ZC3H18: variants seen among roughly 807,000 people sequenced by gnomAD.
The protein encoded by ZC3H18 is zinc finger CCCH domain-containing protein 18.
ZC3H18 carries 8 observed loss-of-function variants against 106.1 expected under a neutral mutation model. The ratio of observed to expected loss-of-function variants is 0.08; its 90% confidence interval spans 0.04 to 0.14. The LOEUF is 0.14. Among genes scored for constraint, ZC3H18 ranks in the 10% least tolerant of loss-of-function variants. The pLI is 1.00. For missense variants in ZC3H18, 1,318 were observed against 1,278.4 expected (o/e 1.03, Z -0.47); for synonymous variants, 635 against 522.1 (o/e 1.22, Z -2.95).
Position 88,586,605 on chromosome 16 carries a change from T to C in ZC3H18, c.609T>C (p.Asp203=). The C allele has an allele frequency of 6.2e-7, 1 of 1,614,092 alleles. No homozygotes were observed. Among genetic ancestry groups the C allele is most frequent in the Non-Finnish European group, 8.5e-7 (1 of 1,179,918 alleles). The change falls in exon 3 of 18, where the codon GAT becomes GAC. Residue 203 remains aspartate (D), a synonymous_variant. Coordinates refer to ENST00000301011, the MANE Select transcript of ZC3H18 (RefSeq NM_144604.4). ...GEIDDGEIDD[D]DLEEGEVKDP... is the part of the protein sequence containing the mutation. ...GACGGTGTTCTCTGTTTCAGGATGATGACCTGGAAGAAGGTGAAGTGAAGG... is the reference window on the plus strand; with the variant it reads ...GACGGTGTTCTCTGTTTCAGGATGACGACCTGGAAGAAGGTGAAGTGAAGG...
intron 2 of ZC3H18, among the ~76,000 whole-genome samples, chr16:88,585,951 G>A (rs924435282): frequency 6.6e-6 from 1 of 152,118 alleles, no homozygotes; most frequent in Non-Finnish European, 1.5e-5. Context: ...GGTGGTGTAA[G>A]GAGGGGTCTC....
At chr16:88,586,907 G>A (rs972855630) in intron 3 of ZC3H18, among the ~76,000 whole-genome samples, 1 of 152,098 alleles carries the variant, frequency 6.6e-6, no homozygotes, top group Non-Finnish European at 1.5e-5. Context: ...GCCTTGGTGG[G>A]AGCAGCCTGG....
intron 16 of ZC3H18, 79 bp from the exon 17 acceptor site, chr16:88,630,406 C>A (rs1193250042): frequency 8.9e-6 from 10 of 1,118,822 alleles, no homozygotes; most frequent in South Asian, 1.3e-5. Context: ...AGAAGTGAGT[C>A]CCTGGCATCG....
At chr16:88,586,165 A>G (rs1391460969) in intron 2 of ZC3H18, among the ~76,000 whole-genome samples, 1 of 152,194 alleles carries the variant, frequency 6.6e-6, no homozygotes, top group African/African-American at 2.4e-5. Flanking sequence ...TGCTGGCATC[A>G]CTGCCCTGAG....
Position 88,599,835 on chromosome 16 carries a change from T to C in ZC3H18, c.975T>C (p.Phe325=), listed in dbSNP as rs759052240. The C allele has an allele frequency of 6.2e-7, 1 of 1,614,050 alleles. No homozygotes were observed. The highest frequency in any genetic ancestry group is 8.5e-7 in the Non-Finnish European group (1 of 1,180,002). ...ATIRKEQEPD[F]EEKRFTVTIG... ...TTCGAAAAGAACAGGAGCCTGATTTTGAAGAGAAAAGGTTTACGGTGACCA... is the reference window on the plus strand; with the variant it reads ...TTCGAAAAGAACAGGAGCCTGATTTCGAAGAGAAAAGGTTTACGGTGACCA... Residue 325 remains phenylalanine (F), a synonymous_variant, in exon 6 of 18, where the codon TTT becomes TTC. Coordinates refer to ENST00000301011, the MANE Select transcript of ZC3H18 (RefSeq NM_144604.4).
At chr16:88,623,527 C>T (rs558658607) in intron 10 of ZC3H18, 183 bp downstream of exon 10, 16 of 788,660 alleles carry the variant, frequency 2.0e-5, no homozygotes, top group Admixed American at 3.0e-5. Flanking sequence ...CTTGCGGGCC[C>T]TCGTCCTTGT....
intron 8 of ZC3H18, among the ~76,000 whole-genome samples, chr16:88,621,804 A>G (rs1905980735): frequency 6.6e-6 from 1 of 152,182 alleles, no homozygotes; most frequent in African/African-American, 2.4e-5. Context: ...TTTCATAAAT[A>G]TTTATTATGA....
intron 3 of ZC3H18, among the ~76,000 whole-genome samples, chr16:88,587,319 G>A (rs573182400): frequency 1.3e-5 from 2 of 152,314 alleles, no homozygotes; most frequent in South Asian, 4.1e-4. Flanking sequence ...TTAATGTCTT[G>A]GGGGATTCGG....
chr16:88,578,968 G>T (rs1048227148), intron 2 of ZC3H18, among the ~76,000 whole-genome samples: 1 of 152,322 alleles, frequency 6.6e-6, no homozygotes, highest in East Asian at 1.9e-4. Context: ...GATCACAGGC[G>T]TGAGGCACCA....
At chr16:88,621,412 G>T (rs367610461) in intron 8 of ZC3H18, among the ~76,000 whole-genome samples, 73 of 152,244 alleles carry the variant, frequency 4.8e-4, no homozygotes, top group African/African-American at 1.6e-3. Flanking sequence ...TTTTAGTAGA[G>T]ATGGGGTTTC....
intron 6 of ZC3H18, among the ~76,000 whole-genome samples, chr16:88,604,061 C>T (rs1254304554): frequency 6.6e-6 from 1 of 152,142 alleles, no homozygotes. Flanking sequence ...TAAAACCTCA[C>T]ATATTGGCTG....
chr16:88,589,636 A>G (rs12597572), intron 3 of ZC3H18, among the ~76,000 whole-genome samples: 26,447 of 151,806 alleles, frequency 0.17, 2,295 homozygotes, highest in East Asian at 0.24. Flanking sequence ...GTGCTGAGTG[A>G]CAGAAGGGAG....
At chr16:88,609,474 A>AT (rs1316512737) in intron 7 of ZC3H18, among the ~76,000 whole-genome samples, 3 of 150,400 alleles carry the variant, frequency 2.0e-5, no homozygotes, top group South Asian at 2.1e-4. Flanking sequence ...ATTTTTTTGT[A>AT]TTTTTTTTGT....
chr16:88,617,698 C>T (rs1905709361), intron 8 of ZC3H18, among the ~76,000 whole-genome samples: 1 of 152,228 alleles, frequency 6.6e-6, no homozygotes. Context: ...GGGGTGGACC[C>T]CTGAGACTGG....
At chr16:88,579,307 A>G (rs537804035) in intron 2 of ZC3H18, among the ~76,000 whole-genome samples, 1 of 152,202 alleles carries the variant, frequency 6.6e-6, no homozygotes, top group Admixed American at 6.5e-5. Flanking sequence ...TGGGTTGAGG[A>G]TGCCCATGAG....
At chr16:88,597,407 T>C (rs148381905) in intron 3 of ZC3H18, among the ~76,000 whole-genome samples, 321 of 152,336 alleles carry the variant, frequency 2.1e-3, no homozygotes, top group African/African-American at 7.4e-3. Flanking sequence ...TGTTAACCCA[T>C]TGAAAAAAAT....
rs1195287174 is a variant in ZC3H18, at chr16:88,624,490, C to T, written c.1899-112C>T. 1.1e-5 allele frequency: 16 copies of T among 1,521,216 alleles called. No individual in the cohort carries two copies. The Admixed American group carries it at 2.0e-4, about 19-fold the overall frequency. The allele number at this position is 1,521,216 out of a possible 1,614,324, so 94.2% of individuals were successfully genotyped here. Reference sequence around the variant, plus strand: ...TCCAGGCACGAGCGTGCTCACCGAGCGTCACAGGCATGCAGTGTCGTTCCC... The same window carrying T: ...TCCAGGCACGAGCGTGCTCACCGAGTGTCACAGGCATGCAGTGTCGTTCCC... On this transcript the variant is annotated intron_variant, in intron 11 of 17. Transcript: ENST00000301011.
chr16:88,596,500 C>T (rs1462375253), intron 3 of ZC3H18, among the ~76,000 whole-genome samples: 2 of 151,836 alleles, frequency 1.3e-5, no homozygotes, highest in Non-Finnish European at 2.9e-5. Context: ...ATTAGCCTGG[C>T]ATGGTGGTAC....
At chr16:88,582,388 C>T (rs1050768552) in intron 2 of ZC3H18, among the ~76,000 whole-genome samples, 41 of 152,088 alleles carry the variant, frequency 2.7e-4, no homozygotes, top group African/African-American at 9.6e-4. Context: ...CCACGGCCAG[C>T]TGATTTTTGT....
Sources: gnomAD v4.1 joint callset for allele counts (sites outside exome capture counted in the v4.1 genomes callset) on GRCh38, gnomAD v4.1.1 for gene constraint, MANE v1.5 for transcripts, NCBI Gene and HGNC (gene_info 2026-07-23, HGNC 2026-07-21) for gene names.